The following TBC1D1 variants were observed in gnomAD, a reference collection of about 807,000 sequenced individuals.
TBC1D1 encodes the protein TBC1 domain family member 1.
A neutral mutation model predicts 125.6 loss-of-function variants in TBC1D1; 89 were observed. That is an observed-to-expected ratio of 0.71 (90% CI 0.60 to 0.85). The LOEUF is 0.85. TBC1D1 is among the 40% of genes least tolerant of loss of function. The probability of loss-of-function intolerance (pLI) is 0.00; values close to 1 mark genes in which losing one functional copy is unlikely to be tolerated. For missense variants in TBC1D1, 1,377 were observed against 1,469.2 expected (o/e 0.94, Z 1.03); for synonymous variants, 565 against 564.1 (o/e 1.00, Z -0.02).
intron 2 of TBC1D1, among the ~76,000 whole-genome samples, chr4:37,990,090 A>G: frequency 6.6e-6 from 1 of 152,222 alleles, no homozygotes; most frequent in South Asian, 2.1e-4. Flanking sequence ...GAAACCAGTC[A>G]TTAGGTGGAA....
At chr4:37,893,102 T>G (rs1713727334) in intron 1 of TBC1D1, among the ~76,000 whole-genome samples, 2 of 152,168 alleles carry the variant, frequency 1.3e-5, no homozygotes, top group African/African-American at 4.8e-5. Flanking sequence ...CATCTTCAGT[T>G]GTCTTGGTGC....
chr4:38,102,933 T>C (rs1269333981), intron 14 of TBC1D1, 66 bp from the exon 17 acceptor site: 9 of 1,450,006 alleles, frequency 6.2e-6, no homozygotes. Context: ...TGAAACACAA[T>C]TCATTTTTAT....
intron 7 of TBC1D1, 70 bp downstream of exon 7, chr4:38,027,949 A>G: frequency 2.5e-6 from 3 of 1,179,824 alleles, no homozygotes; most frequent in Non-Finnish European, 2.4e-6. Context: ...TGCTATGTGT[A>G]AAAAATAGCA....
chr4:38,093,530 T>G (rs201750916), intron 13 of TBC1D1, among the ~76,000 whole-genome samples: 2 of 114,946 alleles, frequency 1.7e-5, no homozygotes, highest in Admixed American at 1.9e-4. Context: ...CCCCCCCCTT[T>G]TTTTTTTTTT....
rs1173495693 is a variant in TBC1D1 at position 37,977,772 on chromosome 4, C to T, written c.418-36737C>T. ...CACAGTTGGGGAGACTGAGGCTGTACTCGGGGACCCCTGCGGGAGCCCGAA... is the reference window on the plus strand; with the variant it reads ...CACAGTTGGGGAGACTGAGGCTGTATTCGGGGACCCCTGCGGGAGCCCGAA... On this transcript the variant is annotated intron_variant, in intron 2 of 19. Transcript: ENST00000261439. This position sits in a 1 kb window ranked among gnomAD's most constrained non-coding sequence, Gnocchi z 4.3. Among the ~76,000 whole-genome samples the T allele has an allele frequency of 6.6e-6, 1 of 152,156 alleles. No homozygotes were observed. Among genetic ancestry groups the T allele is most frequent in the Non-Finnish European group, 1.5e-5 (1 of 68,030 alleles).
At chr4:38,105,605 C>A (rs748822998) in intron 15 of TBC1D1, among the ~76,000 whole-genome samples, 2 of 152,126 alleles carry the variant, frequency 1.3e-5, no homozygotes, top group Admixed American at 6.5e-5. Context: ...CTCTCCACCC[C>A]CCAGGAGTCC....
At chr4:38,003,024 G>A (rs1472508862) in intron 2 of TBC1D1, among the ~76,000 whole-genome samples, 1 of 152,166 alleles carries the variant, frequency 6.6e-6, no homozygotes, top group Non-Finnish European at 1.5e-5. Context: ...CAGAAAAGTA[G>A]CCTGAAGTAA....
intron 2 of TBC1D1, among the ~76,000 whole-genome samples, chr4:37,917,584 A>G (rs1720003114): frequency 6.6e-6 from 1 of 152,162 alleles, no homozygotes; most frequent in Non-Finnish European, 1.5e-5. Context: ...GAGCCATGGG[A>G]GGCCGCACAG....
chr4:38,045,963 C>T (rs910875496), intron 10 of TBC1D1, 60 bp downstream of exon 10: 1 of 1,414,924 alleles, frequency 7.1e-7, no homozygotes, highest in Non-Finnish European at 1.0e-6. Flanking sequence ...TCTTGCTCAT[C>T]TCCTGTCTAC....
At chr4:38,076,425 G>C (rs1209441683) in intron 12 of TBC1D1, among the ~76,000 whole-genome samples, 1 of 152,154 alleles carries the variant, frequency 6.6e-6, no homozygotes, top group African/African-American at 2.4e-5. Flanking sequence ...AAGTGCGCAT[G>C]TCTGGCCCTG....
intron 1 of TBC1D1, among the ~76,000 whole-genome samples, chr4:37,898,802 C>A (rs1414366070): frequency 6.6e-6 from 1 of 152,038 alleles, no homozygotes; most frequent in Non-Finnish European, 1.5e-5. Context: ...AATCTCAGAC[C>A]CTTTGCAGTT....
At chr4:37,962,466 C>T (rs7669693) in intron 2 of TBC1D1, among the ~76,000 whole-genome samples, 95,635 of 152,128 alleles carry the variant, frequency 0.63, 30,906 homozygotes, top group East Asian at 0.96. Flanking sequence ...TTGGGCAAGC[C>T]GGTAACATCT....
Position 38,054,184 on chromosome 4 carries a change from A to G in TBC1D1, c.1911-15A>G, listed in dbSNP as rs373544084. The G allele has an allele frequency of 1.2e-4, 190 of 1,612,314 alleles. No homozygotes were observed. The highest frequency in any genetic ancestry group is 1.6e-4 in the Non-Finnish European group (187 of 1,178,616). On this transcript the variant is annotated splice_polypyrimidine_tract_variant and intron_variant, in intron 11 of 19. Transcript: ENST00000261439. ...CCTCCCCACTAGTCATAAATCAATC[A>G]TCTTATAATTTTAGGGACTTTGAAT...
rs558189367 is a variant in TBC1D1, at chr4:38,027,414, A to G, written c.1211-374A>G. Among the ~76,000 whole-genome samples the G allele has an allele frequency of 2.6e-5, 4 of 152,292 alleles. No homozygotes were observed. The South Asian group carries it at 8.3e-4, about 32-fold the overall frequency. ...GAGGTGGGCGTGTTGCTTGAGCTCA[A>G]GAGTTCGAGACCAGCCTGGGCAACA... On this transcript the variant is annotated intron_variant, in intron 6 of 19. Coordinates refer to ENST00000261439, the MANE Select transcript of TBC1D1 (RefSeq NM_015173.4).
intron 2 of TBC1D1, among the ~76,000 whole-genome samples, chr4:37,971,182 T>C (rs973127944): frequency 1.3e-5 from 2 of 152,154 alleles, no homozygotes; most frequent in African/African-American, 4.8e-5. Flanking sequence ...GCTGAGATGG[T>C]GAGACATTAA....
intron 15 of TBC1D1, among the ~76,000 whole-genome samples, chr4:38,105,396 C>T (rs577143371): frequency 4.0e-4 from 61 of 152,048 alleles, no homozygotes; most frequent in Admixed American, 1.3e-3. Context: ...GTGACACAGC[C>T]GATTTGCCGC....
intron 12 of TBC1D1, among the ~76,000 whole-genome samples, chr4:38,077,013 G>A (rs113294778): frequency 5.3e-5 from 8 of 152,232 alleles, no homozygotes; most frequent in Admixed American, 1.3e-4. Context: ...TTTAGGCTCC[G>A]TTTTTCAGAC....
chr4:38,096,189 A>G (rs975558403), intron 14 of TBC1D1, 99 bp downstream of exon 16: 25 of 946,090 alleles, frequency 2.6e-5, no homozygotes, highest in African/African-American at 3.3e-5. Context: ...TTTAGTGGCC[A>G]TCTCCCTTCT....
At chr4:37,929,848 T>C (rs1722910518) in intron 2 of TBC1D1, among the ~76,000 whole-genome samples, 1 of 152,036 alleles carries the variant, frequency 6.6e-6, no homozygotes, top group Admixed American at 6.6e-5. Flanking sequence ...CAGGGGATGC[T>C]AAAGCCTCTT....
Sources: gnomAD v4.1 joint callset for allele counts (sites outside exome capture counted in the v4.1 genomes callset) on GRCh38, gnomAD v4.1.1 for gene constraint, Gnocchi (gnomAD v3.1) non-coding constraint, MANE v1.5 for transcripts, NCBI Gene and HGNC (gene_info 2026-07-23, HGNC 2026-07-21) for gene names.